Variants in LONP1 observed in about 807,000 individuals in gnomAD.
The protein encoded by LONP1 is lon peptidase 1, mitochondrial, also known as lon protease homolog, mitochondrial.
A neutral mutation model predicts 98.5 loss-of-function variants in LONP1; 31 were observed. The observed-to-expected ratio is 0.31, with a 90% CI of 0.24 to 0.42. LONP1 has a LOEUF of 0.42. LONP1 is among the 20% of genes least tolerant of loss of function. LONP1 has a pLI of 1.00. For synonymous variants in LONP1, 781 were observed against 594.7 expected (o/e 1.31, Z -4.56); for missense variants, 1,336 against 1,350.6 (o/e 0.99, Z 0.17).
At chr19:5,702,254 G>T (rs1363369325) in intron 8 of LONP1, among the ~76,000 whole-genome samples, 2 of 34,312 alleles carry the variant, frequency 5.8e-5, no homozygotes, top group Non-Finnish European at 2.0e-4. Context: ...AGGGAGGTTG[G>T]GGGGGGGGTC....
intron 8 of LONP1, among the ~76,000 whole-genome samples, chr19:5,705,040 T>C (rs1169942763): frequency 6.6e-6 from 1 of 152,080 alleles, no homozygotes; most frequent in African/African-American, 2.4e-5. Context: ...CACATGCCTG[T>C]AATCCCAGCT....
At chr19:5,711,725 C>T (rs745798241) in intron 4 of LONP1, 46 bp downstream of exon 4, 37 of 1,522,290 alleles carry the variant, frequency 2.4e-5, no homozygotes, top group South Asian at 1.8e-4. Flanking sequence ...CAAGGGAGCC[C>T]GTGGGGGAGG....
intron 11 of LONP1, 130 bp from the exon 12 acceptor site, chr19:5,696,501 A>G: frequency 7.2e-7 from 1 of 1,379,394 alleles, no homozygotes; most frequent in Non-Finnish European, 9.9e-7. Flanking sequence ...TTGGACGGGC[A>G]GCCTGCTGGG....
intron 10 of LONP1, among the ~76,000 whole-genome samples, chr19:5,697,101 G>C (rs1446841975): frequency 6.6e-6 from 1 of 152,178 alleles, no homozygotes; most frequent in African/African-American, 2.4e-5. Context: ...AGCCCTCAAG[G>C]GCTGGGGTGA....
chr19:5,695,016 TCC>T, intron 13 of LONP1, 115 bp from the exon 14 acceptor site: 5 of 1,255,142 alleles, frequency 4.0e-6, no homozygotes, highest in Non-Finnish European at 5.4e-6. Context: ...GGGAACGAGG[TCC>T]CTGATGGTGA....
intron 9 of LONP1, among the ~76,000 whole-genome samples, chr19:5,699,940 T>G (rs1051638183): frequency 3.3e-5 from 5 of 152,022 alleles, no homozygotes; most frequent in African/African-American, 1.2e-4. Context: ...AAAAATTAAT[T>G]TAAAATTAAT....
chr19:5,696,388 C>T lies in LONP1; in HGVS notation c.1774-17G>A. On this transcript the variant is annotated splice_polypyrimidine_tract_variant and intron_variant, in intron 11 of 17. Coordinates refer to ENST00000360614, the MANE Select transcript of LONP1 (RefSeq NM_004793.4). ...CTTGTCCACCTGGGGCAGCAGACAGCAGGTGGTGCCCCTCGCCGTGCCCCT... is the reference window on the plus strand; with the variant it reads ...CTTGTCCACCTGGGGCAGCAGACAGTAGGTGGTGCCCCTCGCCGTGCCCCT... 6.2e-7 allele frequency: 1 copy of T among 1,611,004 alleles called. No homozygotes were observed. The highest frequency in any genetic ancestry group is 8.5e-7 in the Non-Finnish European group (1 of 1,178,650).
chr19:5,707,799 A>C lies in LONP1; in HGVS notation c.960T>G (p.Ala320=), dbSNP rs780764021. ...TGGGGTTGTCCACCACCCGCTGGCC[A>C]GCCTGCATCATCTGCAGCACTGACT... ...YRESVLQMMQ[A]GQRVVDNPIY... The change falls in exon 6 of 18, where the codon GCT becomes GCG. Residue 320 remains alanine, a synonymous_variant. Transcript: ENST00000360614. 6.2e-7 allele frequency: 1 copy of C among 1,613,028 alleles called. No homozygotes were observed. Among genetic ancestry groups the C allele is most frequent in the Admixed American group, 1.7e-5 (1 of 59,972 alleles).
At chr19:5,702,255 G>T (rs1406362443) in intron 8 of LONP1, among the ~76,000 whole-genome samples, 2 of 138,264 alleles carry the variant, frequency 1.4e-5, no homozygotes, top group South Asian at 4.6e-4. Context: ...GGGAGGTTGG[G>T]GGGGGGGTCA....
chr19:5,697,961 G>T (rs1005267909), intron 10 of LONP1, among the ~76,000 whole-genome samples: 2 of 151,838 alleles, frequency 1.3e-5, no homozygotes, highest in Non-Finnish European at 2.9e-5. Context: ...TGCCCAGGAA[G>T]GACTGGGTGC....
At position 5,691,847 on chromosome 19, in the gene LONP1, TTTAATCA is replaced by T. The variant is rs2054827039; in HGVS notation, c.*178_*184del. 1.2e-6 allele frequency: 1 copy of T among 815,476 alleles called. No homozygotes were observed. The highest frequency in any genetic ancestry group is 1.9e-6 in the Non-Finnish European group (1 of 525,960). The allele number at this position is 815,476 out of a possible 1,614,324, so 50.5% of individuals were successfully genotyped here. A position where few individuals can be genotyped will look rare whatever the true frequency, so the allele number is the denominator to read the frequency against. ...AGGAAGCCGCCGTACTGCAAATGAC[TTTAATCA>T]TTAAATAGCTTCTATGCCACACTCT... On this transcript the variant is annotated 3_prime_UTR_variant, in exon 18 of 18. Transcript: ENST00000360614.
chr19:5,707,024 C>G, intron 7 of LONP1, 36 bp downstream of exon 7: 3 of 1,568,002 alleles, frequency 1.9e-6, no homozygotes, highest in Non-Finnish European at 2.6e-6. Flanking sequence ...GAGGGGAAGG[C>G]CCCCAAGAGT....
intron 8 of LONP1, 137 bp downstream of exon 8, chr19:5,705,635 C>CACTTGGTGTG: frequency 1.5e-6 from 1 of 660,750 alleles, no homozygotes; most frequent in Non-Finnish European, 2.7e-6. Flanking sequence ...GGCTGATACT[C>CACTTGGTGTG]GCTGGATGCC....
At chr19:5,699,308 G>A (rs2054999337) in intron 9 of LONP1, 103 bp from the exon 10 acceptor site, 2 of 936,636 alleles carry the variant, frequency 2.1e-6, no homozygotes, top group Non-Finnish European at 3.0e-6. Flanking sequence ...TCTGAGGGCT[G>A]CGAGAAGGGA....
At chr19:5,704,875 CTTAGGCCAGGCGTGGT>C (rs1384862767) in intron 8 of LONP1, among the ~76,000 whole-genome samples, 1 of 152,230 alleles carries the variant, frequency 6.6e-6, no homozygotes, top group African/African-American at 2.4e-5. Flanking sequence ...GAAGGCCTGG[CTTAGGCCAGGCGTGGT>C]GGCTCATGCC....
At chr19:5,692,851 C>CA (rs1258855525) in intron 17 of LONP1, among the ~76,000 whole-genome samples, 5 of 152,174 alleles carry the variant, frequency 3.3e-5, no homozygotes, top group African/African-American at 1.2e-4. Flanking sequence ...GCTTCCTAGA[C>CA]ACATGGCAAG....
At chr19:5,694,953 C>A (rs776919030) in intron 13 of LONP1, 52 bp from the exon 14 acceptor site, 2 of 1,560,968 alleles carry the variant, frequency 1.3e-6, no homozygotes, top group Admixed American at 1.8e-5. Context: ...CCCACCAGCT[C>A]AGTCTAGAAC....
In LONP1 at chr19:5,697,272, G is replaced by C. The variant is rs1017132251; in HGVS notation, c.1686-515C>G. Among the ~76,000 whole-genome samples, 15 of 152,056 alleles carry C rather than the reference G, an allele frequency of 9.9e-5. 1 individual carries two copies. The highest frequency in any genetic ancestry group is 3.4e-4 in the African/African-American group (14 of 41,376). ...TGTGGGATGAAGACACAGGGAGGCA[G>C]GGATGGAGGGACTGAGATGCCACTG... On this transcript the variant is annotated intron_variant, in intron 10 of 17. Transcript: ENST00000360614.
rs200136098 is a variant in LONP1, at chr19:5,696,733, G to A, written c.1710C>T (p.Pro570=). The A allele has an allele frequency of 3.7e-4, 599 of 1,613,430 alleles. 1 individual carries two copies. Among genetic ancestry groups the A allele is most frequent in the South Asian group, 2.1e-3 (187 of 91,076 alleles). ...GHRRTYVGAM[P]GKIIQCLKKT... ...TCTTCAAACACTGGATGATCTTCCC[G>A]GGCATGGCGCCCACGTAGGTCCGCC... is the stretch of plus-strand genomic sequence containing the variant. The change falls in exon 11 of 18, where the codon CCC becomes CCT. Residue 570 remains proline (P), a synonymous_variant. Transcript: ENST00000360614.
Sources: gnomAD v4.1 joint callset for allele counts (sites outside exome capture counted in the v4.1 genomes callset) on GRCh38, gnomAD v4.1.1 for gene constraint, MANE v1.5 for transcripts, NCBI Gene and HGNC (gene_info 2026-07-23, HGNC 2026-07-21) for gene names.